Variants in EDNRB observed in about 807,000 individuals in gnomAD.
EDNRB encodes Hirschsprung disease 2.
In EDNRB, 18 loss-of-function variants were observed where a neutral mutation model predicts 46.4. That is an observed-to-expected ratio of 0.39 (90% CI 0.27 to 0.57). The LOEUF is 0.57. EDNRB is among the 20% of genes least tolerant of loss of function. EDNRB has a pLI of 0.61. For synonymous variants in EDNRB, 213 were observed against 204.9 expected, an observed-to-expected ratio of 1.04 and a Z score of -0.34; for missense variants, 434 against 537.5, an observed-to-expected ratio of 0.81 and a Z score of 1.90.
At chr13:77,901,721 C>G (rs995611137) in intron 3 of EDNRB, among the ~76,000 whole-genome samples, 2 of 151,922 alleles carry the variant, frequency 1.3e-5, no homozygotes, top group African/African-American at 4.8e-5. Context: ...TGTCGTATCT[C>G]TTATTCTTTT....
chr13:77,958,576 A>G (rs901107690), intron 1 of EDNRB, among the ~76,000 whole-genome samples: 1 of 152,012 alleles, frequency 6.6e-6, no homozygotes, highest in African/African-American at 2.4e-5. Flanking sequence ...GGGTTTCACC[A>G]TGTTAGCCAG....
At chr13:77,936,447 C>T (rs558209795) in intron 1 of EDNRB, among the ~76,000 whole-genome samples, 105 of 152,134 alleles carry the variant, frequency 6.9e-4, no homozygotes, top group African/African-American at 2.4e-3. Flanking sequence ...GGGAAACAGG[C>T]CCTTGAAAAG....
At position 77,896,915 on chromosome 13, in the gene EDNRB, T is replaced by C; in HGVS notation, c.*1285A>G. Reference sequence around the variant, plus strand: ...GGTTCTTACGGTCTCAAAAAGCAGTTTTGCCTCTAGATGAAAGAAAAGCAC... The same window carrying C: ...GGTTCTTACGGTCTCAAAAAGCAGTCTTGCCTCTAGATGAAAGAAAAGCAC... On this transcript the variant is annotated 3_prime_UTR_variant, in exon 7 of 7. Coordinates refer to ENST00000646607, the MANE Select transcript of EDNRB (RefSeq NM_001122659.3). 1.0e-6 allele frequency: 1 copy of C among 995,354 alleles called. No individual in the cohort carries two copies. Among genetic ancestry groups the C allele is most frequent in the Non-Finnish European group, 1.2e-6 (1 of 836,682 alleles). The allele number at this position is 995,354 out of a possible 1,614,324, so 61.7% of individuals were successfully genotyped here.
intron 1 of EDNRB, among the ~76,000 whole-genome samples, chr13:77,938,822 G>T (rs1320889989): frequency 2.0e-5 from 3 of 152,202 alleles, no homozygotes; most frequent in Non-Finnish European, 2.9e-5. Flanking sequence ...AGTAAGAAGA[G>T]GCCACTTACC....
upstream of EDNRB, chr13:77,918,873 G>C: frequency 1.6e-6 from 2 of 1,260,370 alleles, no homozygotes; most frequent in Non-Finnish European, 2.0e-6. The surrounding 1 kb of genome is among the most constrained non-coding windows in gnomAD (Gnocchi z 4.5). Context: ...GCAGTGGGGC[G>C]GGGCGTTCTG....
At position 77,896,123 on chromosome 13, in the gene EDNRB, T is replaced by TTTATGCG. The variant is rs1447336468; in HGVS notation, c.*2076_*2077insCGCATAA. ...TTTTTAAAAAGCCACTGAATGCAAT[T>TTTATGCG]TTATTATAAATAATGCAAGTATGCT... On this transcript the variant is annotated 3_prime_UTR_variant, in exon 7 of 7. Transcript: ENST00000646607. 5 of 157,428 alleles carry TTTATGCG rather than the reference T, an allele frequency of 3.2e-5. No homozygotes were observed. Among genetic ancestry groups the TTTATGCG allele is most frequent in the African/African-American group, 1.2e-4 (5 of 41,718 alleles). The allele number at this position is 157,428 out of a possible 1,614,324, so 9.8% of individuals were successfully genotyped here.
At chr13:77,936,328 A>C (rs1411925387) in intron 1 of EDNRB, among the ~76,000 whole-genome samples, 1 of 152,104 alleles carries the variant, frequency 6.6e-6, no homozygotes, top group Non-Finnish European at 1.5e-5. Context: ...GGTGGGGATA[A>C]CTAAAAAGGA....
At chr13:77,963,753 A>G (rs1429149347) in intron 1 of EDNRB, among the ~76,000 whole-genome samples, 2 of 152,244 alleles carry the variant, frequency 1.3e-5, no homozygotes, top group African/African-American at 4.8e-5. Flanking sequence ...TGGCAACAAA[A>G]GCCAAAGTTG....
At chr13:77,947,931 T>G (rs905223367) in intron 1 of EDNRB, among the ~76,000 whole-genome samples, 4 of 152,090 alleles carry the variant, frequency 2.6e-5, no homozygotes, top group Admixed American at 1.3e-4. Context: ...TGAAACTTTC[T>G]AAATAGATCT....
At chr13:77,918,942 A>T, upstream of EDNRB, 1 of 1,156,122 alleles carries the variant, frequency 8.6e-7, no homozygotes, top group Middle Eastern at 3.4e-4. The surrounding 1 kb of genome is among the most constrained non-coding windows in gnomAD (Gnocchi z 4.5). Context: ...GAACTCTTTC[A>T]CGTAACGGGA....
chr13:77,929,964 G>T (rs1880344360), intron 1 of EDNRB, among the ~76,000 whole-genome samples: 1 of 152,150 alleles, frequency 6.6e-6, no homozygotes, highest in African/African-American at 2.4e-5. Context: ...CTGGTTTCTG[G>T]AAGATAATAA....
At position 77,903,259 on chromosome 13, in the gene EDNRB, G is replaced by C. The variant is rs1397335747; in HGVS notation, c.698C>G (p.Ala233Gly). 6.2e-7 allele frequency: 1 copy of C among 1,612,972 alleles called. No homozygotes were observed. The highest frequency in any genetic ancestry group is 1.7e-5 in the Admixed American group (1 of 59,898). ...VLIWVVSVVL[A>G]VPEAIGFDII... ...ATCAAAACCTATGGCTTCAGGGACA[G>C]CCAGAACCACAGAGACCACCCAAAT... Residue 233 changes from alanine to glycine, a missense_variant, in exon 3 of 7, where the codon GCT becomes GGT. Transcript: ENST00000646607.
chr13:77,950,004 G>A (rs528088680), intron 1 of EDNRB, among the ~76,000 whole-genome samples: 1 of 152,184 alleles, frequency 6.6e-6, no homozygotes, highest in Admixed American at 6.5e-5. Flanking sequence ...TATACCTCCT[G>A]CCTGATATAT....
At chr13:77,902,135 C>A (rs1879023304) in intron 3 of EDNRB, among the ~76,000 whole-genome samples, 1 of 151,934 alleles carries the variant, frequency 6.6e-6, no homozygotes, top group South Asian at 2.1e-4. Context: ...TGGCAGCTTT[C>A]TTTTTGGCAT....
intron 1 of EDNRB, among the ~76,000 whole-genome samples, chr13:77,963,405 C>G (rs1467015017): frequency 6.6e-6 from 1 of 152,144 alleles, no homozygotes; most frequent in Non-Finnish European, 1.5e-5. Context: ...CAGCATGGTA[C>G]TGGTACCAAA....
Position 77,912,667 on chromosome 13 carries a change from T to C in EDNRB, c.483+5424A>G, listed in dbSNP as rs534805581. Reference sequence around the variant, plus strand: ...GGGTATTTGCTGTATTGTTAACTGATTCCAGGTCATTCAAGCTAAAAGCCT... The same window carrying C: ...GGGTATTTGCTGTATTGTTAACTGACTCCAGGTCATTCAAGCTAAAAGCCT... On this transcript the variant is annotated intron_variant, in intron 1 of 6. Transcript: ENST00000646607. Among the ~76,000 whole-genome samples the C allele has an allele frequency of 2.0e-5, 3 of 152,212 alleles. No homozygotes were observed. In the East Asian group the frequency reaches 5.8e-4, roughly 29 times the overall value.
In EDNRB at chr13:77,937,094, C is replaced by T. The variant is rs190165482; in HGVS notation, c.-51-18470G>A. ...TATTAAGAATAAGGCGGCCTTCTGG[C>T]CTTTCTGGGTCTAGGGCGGTAAAGC... On this transcript the variant is annotated intron_variant, in intron 1 of 7. Coordinates refer to the EDNRB transcript ENST00000646948. Among the ~76,000 whole-genome samples, 888 of 152,292 alleles carry T rather than the reference C, an allele frequency of 5.8e-3. 8 individuals are homozygous for T. The highest frequency in any genetic ancestry group is 0.01 in the Admixed American group (153 of 15,296).
intron 4 of EDNRB, among the ~76,000 whole-genome samples, chr13:77,900,857 C>T (rs1402605407): frequency 1.3e-5 from 2 of 151,808 alleles, no homozygotes; most frequent in Non-Finnish European, 2.9e-5. Context: ...CTGATTCTCC[C>T]TAGATCCTTT....
chr13:77,927,141 C>G (rs1473236202), intron 1 of EDNRB, among the ~76,000 whole-genome samples: 1 of 152,146 alleles, frequency 6.6e-6, no homozygotes, highest in Non-Finnish European at 1.5e-5. Context: ...ACATCCCTAT[C>G]TATTTATCTT....
Sources: gnomAD v4.1 joint callset for allele counts (sites outside exome capture counted in the v4.1 genomes callset) on GRCh38, gnomAD v4.1.1 for gene constraint, Gnocchi (gnomAD v3.1) non-coding constraint, MANE v1.5 for transcripts, NCBI Gene and HGNC (gene_info 2026-07-23, HGNC 2026-07-21) for gene names.